Variants in RAB36 observed in about 807,000 individuals in gnomAD.
The protein encoded by RAB36 is RAB36, member RAS oncogene family.
In RAB36, 33 loss-of-function variants were observed where a neutral mutation model predicts 39.3. That is an observed-to-expected ratio of 0.84 (90% confidence interval 0.64 to 1.12). The LOEUF is 1.12. Among genes scored for constraint, RAB36 ranks in the 50% most tolerant of loss-of-function variants. The pLI is 0.00. For missense variants in RAB36, 308 were observed against 355.3 expected (o/e 0.87, Z 1.07); for synonymous variants, 133 against 140.2 (o/e 0.95, Z 0.36).
Position 23,146,661 on chromosome 22 carries a change from C to T in RAB36, c.45C>T (p.Asp15=). ...CTTTGGGGCCCCCTGTGAGCCGCGA[C>T]CGTGTCATCGCCAGCTTCCCTAAGG... ...LTPLGPPVSR[D]RVIASFPKWY... Residue 15 remains aspartate, a synonymous_variant, in exon 2 of 11, where the codon GAC becomes GAT. Transcript: ENST00000263116. 6.2e-7 allele frequency: 1 copy of T among 1,614,064 alleles called. No individual in the cohort carries two copies. The highest frequency in any genetic ancestry group is 8.5e-7 in the Non-Finnish European group (1 of 1,179,956).
At chr22:23,155,486 C>T (rs1473487908) in intron 5 of RAB36, among the ~76,000 whole-genome samples, 6 of 152,202 alleles carry the variant, frequency 3.9e-5, no homozygotes, top group Non-Finnish European at 8.8e-5. Flanking sequence ...GTATCTCCAA[C>T]TCCTACTTTG....
chr22:23,163,806 C>G lies in RAB36; in HGVS notation c.*2242C>G, dbSNP rs979913435. On this transcript the variant is annotated 3_prime_UTR_variant, in exon 11 of 11. Coordinates refer to ENST00000263116, the MANE Select transcript of RAB36 (RefSeq NM_004914.5). ...TTTGTTGTTTTCACCAGAGTGAGCT[C>G]CTTCTGGACATACTGCCTGGCAGCC... The G allele has an allele frequency of 8.5e-5, 13 of 152,346 alleles. No homozygotes were observed. Among genetic ancestry groups the G allele is most frequent in the African/African-American group, 2.9e-4 (12 of 41,580 alleles). The allele number at this position is 152,346 out of a possible 1,614,324, so 9.4% of individuals were successfully genotyped here. A position where few individuals can be genotyped will look rare whatever the true frequency, so the allele number is the denominator to read the frequency against.
At chr22:23,151,673 G>A (rs1450909825) in intron 3 of RAB36, among the ~76,000 whole-genome samples, 3 of 152,194 alleles carry the variant, frequency 2.0e-5, no homozygotes, top group Non-Finnish European at 4.4e-5. Context: ...CTCGAGCCAA[G>A]GAGTTTGAGA....
chr22:23,160,323 C>G (rs1812380668), intron 9 of RAB36, among the ~76,000 whole-genome samples: 1 of 152,186 alleles, frequency 6.6e-6, no homozygotes, highest in African/African-American at 2.4e-5. Context: ...CCAAGCAGGA[C>G]TGCCCTATGC....
At chr22:23,147,056 G>A (rs1056428054) in intron 2 of RAB36, among the ~76,000 whole-genome samples, 3 of 152,166 alleles carry the variant, frequency 2.0e-5, no homozygotes, top group African/African-American at 7.2e-5. Context: ...CTCATGGTAT[G>A]CAGGAGCTCC....
chr22:23,166,952 G>C (rs748336540), downstream of RAB36, among the ~76,000 whole-genome samples: 1 of 152,110 alleles, frequency 6.6e-6, no homozygotes, highest in Non-Finnish European at 1.5e-5. Flanking sequence ...TATGCAGTGA[G>C]GTGCTCTGGA....
chr22:23,158,158 G>A, intron 7 of RAB36, 115 bp downstream of exon 7: 2 of 1,529,420 alleles, frequency 1.3e-6, no homozygotes, highest in Non-Finnish European at 1.8e-6. Context: ...AGTGACCAGG[G>A]CCCCTTGTCA....
intron 1 of RAB36, 140 bp downstream of exon 1, chr22:23,145,691 G>A (rs2070726629): frequency 9.2e-7 from 1 of 1,081,260 alleles, no homozygotes; most frequent in South Asian, 1.6e-5. Flanking sequence ...GCGGCCCCGG[G>A]GCGTCCTCAT....
chr22:23,145,472 C>T (rs776697058), upstream of RAB36: 5 of 1,609,588 alleles, frequency 3.1e-6, no homozygotes, highest in Middle Eastern at 3.6e-4. Context: ...TCCCGCGTGG[C>T]TCTCGTTGCC....
intron 6 of RAB36, among the ~76,000 whole-genome samples, chr22:23,157,376 G>C (rs529288766): frequency 1.3e-5 from 2 of 151,746 alleles, no homozygotes; most frequent in Non-Finnish European, 2.9e-5. Context: ...TCAGCCTCCC[G>C]AGTAGCTGGG....
At position 23,162,405 on chromosome 22, in the gene RAB36, C is replaced by A. The variant is rs2146606521; in HGVS notation, c.*841C>A. On this transcript the variant is annotated 3_prime_UTR_variant, in exon 11 of 11. Transcript: ENST00000263116. ...AGCCCTTGAACATGGCACTGCCCTC[C>A]TCTGGCACTCATGCTGGGCCTGTGC... 1 of 351,188 alleles carries A rather than the reference C, an allele frequency of 2.8e-6. No individual in the cohort carries two copies. The highest frequency in any genetic ancestry group is 5.7e-6 in the Non-Finnish European group (1 of 176,578). 21.8% of individuals were successfully genotyped at this position (351,188 alleles called of 1,614,324 possible). A position where few individuals can be genotyped will look rare whatever the true frequency, so the allele number is the denominator to read the frequency against.
Position 23,163,516 on chromosome 22 carries a change from C to T in RAB36, c.*1952C>T, listed in dbSNP as rs2071929476. Reference sequence around the variant, plus strand: ...GTGCTGGGATTACAGGCCTGAGCCACCGCGTCCGGCCTCCATAAATGACTT... The same window carrying T: ...GTGCTGGGATTACAGGCCTGAGCCATCGCGTCCGGCCTCCATAAATGACTT... On this transcript the variant is annotated 3_prime_UTR_variant, in exon 11 of 11. Transcript: ENST00000263116. The T allele has an allele frequency of 6.6e-6, 1 of 152,314 alleles. No homozygotes were observed. Among genetic ancestry groups the T allele is most frequent in the Non-Finnish European group, 1.5e-5 (1 of 68,160 alleles). The allele number at this position is 152,314 out of a possible 1,614,324, so 9.4% of individuals were successfully genotyped here. A position where few individuals can be genotyped will look rare whatever the true frequency, so the allele number is the denominator to read the frequency against.
At position 23,153,586 on chromosome 22, in the gene RAB36, G is replaced by A. The variant is rs1001738366; in HGVS notation, c.329+452G>A. 6.1e-6 allele frequency: 6 copies of A among 985,248 alleles called. No homozygotes were observed. The African/African-American group carries it at 7.0e-5, about 11-fold the overall frequency. The allele number at this position is 985,248 out of a possible 1,614,324, so 61.0% of individuals were successfully genotyped here. A position where few individuals can be genotyped will look rare whatever the true frequency, so the allele number is the denominator to read the frequency against. On this transcript the variant is annotated intron_variant, in intron 5 of 10. Coordinates refer to ENST00000263116, the MANE Select transcript of RAB36 (RefSeq NM_004914.5). The stretch of plus-strand genomic sequence containing the variant: ...GGCTTGGGCAAGGAGGGCTGAGATG[G>A]AGTACACAGCACCCACATCCTTCCT...
At position 23,158,951 on chromosome 22, in the gene RAB36, TC is replaced by T; in HGVS notation, c.502del (p.Leu168SerfsTer43). 6.2e-7 allele frequency: 1 copy of T among 1,614,186 alleles called. No homozygotes were observed. The highest frequency in any genetic ancestry group is 1.6e-4 in the Middle Eastern group (1 of 6,062). On this transcript the variant is annotated frameshift_variant, in exon 8 of 11. Coordinates refer to ENST00000263116, the MANE Select transcript of RAB36 (RefSeq NM_004914.5). LOFTEE classifies it high-confidence loss of function. ...RENEAGSCFIFLVGTKKDLLS... is the reference protein window; with the variant it reads ...RENEAGSCFIXLVGTKKDLLS... ...AACGAGGCAGGCTCCTGCTTCATCT[TC>T]CTCGTGGGAACCAAGAAGGACCTTC...
downstream of RAB36, among the ~76,000 whole-genome samples, chr22:23,168,562 C>G (rs756818956): frequency 9.2e-5 from 14 of 152,318 alleles, no homozygotes; most frequent in South Asian, 2.1e-4. Flanking sequence ...CCCAGCAGTT[C>G]CCAGGCTCCT....
intron 5 of RAB36, 82 bp downstream of exon 5, chr22:23,153,216 TC>T (rs2071264242): frequency 1.9e-6 from 2 of 1,066,606 alleles, no homozygotes; most frequent in Non-Finnish European, 2.9e-6. Flanking sequence ...CTTCACTGTG[TC>T]CATGTCAAGG....
intron 5 of RAB36, among the ~76,000 whole-genome samples, chr22:23,154,062 C>T (rs1018970332): frequency 1.3e-5 from 2 of 152,062 alleles, no homozygotes; most frequent in South Asian, 4.1e-4. Context: ...TACCCCTTCC[C>T]TCTGCCTTCC....
upstream of RAB36, chr22:23,145,442 C>A (rs537591770): frequency 1.1e-5 from 18 of 1,610,702 alleles, no homozygotes; most frequent in Non-Finnish European, 1.4e-5. Flanking sequence ...ACGACGTCGA[C>A]GATTCGTGTA....
At chr22:23,155,850 C>A in intron 5 of RAB36, 118 bp from the exon 6 acceptor site, 1 of 851,706 alleles carries the variant, frequency 1.2e-6, no homozygotes, top group Non-Finnish European at 1.7e-6. Context: ...TCCTGAAGCC[C>A]ATGCAGCTGG....
Sources: allele counts gnomAD v4.1 joint callset (sites outside exome capture counted in the v4.1 genomes callset), GRCh38; gene constraint gnomAD v4.1.1; transcripts MANE v1.5; gene names NCBI Gene and HGNC (gene_info 2026-07-23, HGNC 2026-07-21).